WDFY3: variants seen among roughly 807,000 people sequenced by gnomAD.
WDFY3 encodes the protein WD repeat and FYVE domain containing 3, also known as WD repeat and FYVE domain-containing protein 3.
WDFY3 carries 66 observed loss-of-function variants against 409.6 expected under a neutral mutation model. The ratio of observed to expected loss-of-function variants is 0.16; its 90% confidence interval spans 0.13 to 0.20. The LOEUF is 0.20. WDFY3 is among the 10% of genes least tolerant of loss of function. The probability of loss-of-function intolerance (pLI) is 1.00; values close to 1 mark genes in which losing one functional copy is unlikely to be tolerated. For synonymous variants in WDFY3, 1,521 were observed against 1,537.1 expected (o/e 0.99, Z 0.25); for missense variants, 3,031 against 4,298.1 (o/e 0.71, Z 8.24).
At chr4:84,950,726 G>C (rs1773500976) in intron 1 of WDFY3, among the ~76,000 whole-genome samples, 1 of 152,164 alleles carries the variant, frequency 6.6e-6, no homozygotes, top group Non-Finnish European at 1.5e-5. Flanking sequence ...GGAGGCGGAG[G>C]CTGCAGTGAG....
At chr4:84,674,741 G>A (rs1411338791) in intron 67 of WDFY3, among the ~76,000 whole-genome samples, 4 of 151,558 alleles carry the variant, frequency 2.6e-5, no homozygotes, top group East Asian at 2.0e-4. Context: ...GGTGGTGCAC[G>A]CCTGTAGTCC....
chr4:84,678,976 G>C lies in WDFY3; in HGVS notation c.10090C>G (p.Leu3364Val). Residue 3364 changes from leucine (L) to valine (V), a missense_variant, in exon 65 of 68, where the codon CTT becomes GTT. Coordinates refer to ENST00000295888, the MANE Select transcript of WDFY3 (RefSeq NM_014991.6). ...GQTRAHLQGPLSHPHPNPIEV... is the reference protein window; with the variant it reads ...GQTRAHLQGPVSHPHPNPIEV... Reference sequence around the variant, plus strand: ...ATGGGATTGGGGTGGGGGTGGCTAAGGGGGCCCTGCAGATGGGCTCTGGTC... The same window carrying C: ...ATGGGATTGGGGTGGGGGTGGCTAACGGGGCCCTGCAGATGGGCTCTGGTC... 1.2e-6 allele frequency: 2 copies of C among 1,614,192 alleles called. No homozygotes were observed. The highest frequency in any genetic ancestry group is 3.3e-5 in the Admixed American group (2 of 60,030).
intron 36 of WDFY3, among the ~76,000 whole-genome samples, chr4:84,748,015 C>A (rs1739805274): frequency 6.6e-6 from 1 of 152,036 alleles, no homozygotes; most frequent in Non-Finnish European, 1.5e-5. Context: ...CAAGTCAGCA[C>A]CCTCTCAGTT....
chr4:84,674,799 C>T (rs778424525), intron 67 of WDFY3, among the ~76,000 whole-genome samples: 2 of 149,102 alleles, frequency 1.3e-5, no homozygotes, highest in Admixed American at 1.3e-4. Flanking sequence ...ACCCAGGAGG[C>T]GGAGGCTGCA....
chr4:84,905,164 T>C (rs958353688), intron 2 of WDFY3, among the ~76,000 whole-genome samples: 1 of 152,058 alleles, frequency 6.6e-6, no homozygotes, highest in East Asian at 1.9e-4. Context: ...GGTGAAACCT[T>C]GTTTCTACTA....
intron 59 of WDFY3, among the ~76,000 whole-genome samples, chr4:84,692,364 T>A (rs1003357311): frequency 2.0e-5 from 3 of 152,186 alleles, no homozygotes; most frequent in African/African-American, 7.2e-5. Flanking sequence ...TTCTTGGATA[T>A]TTTTAAGCGA....
Position 84,752,910 on chromosome 4 carries a change from T to G in WDFY3, c.5739+787A>C, listed in dbSNP as rs1740785981. Among the ~76,000 whole-genome samples, 5 of 152,340 alleles carry G rather than the reference T, an allele frequency of 3.3e-5. No homozygotes were observed. The South Asian group carries it at 1.0e-3, about 32-fold the overall frequency. Reference sequence around the variant, plus strand: ...ATCAACATCAACGTGCAAAAGTAAGTGATAAGCCCCTGCTATATGGTTTTG... The same window carrying G: ...ATCAACATCAACGTGCAAAAGTAAGGGATAAGCCCCTGCTATATGGTTTTG... On this transcript the variant is annotated intron_variant, in intron 35 of 67. Coordinates refer to ENST00000295888, the MANE Select transcript of WDFY3 (RefSeq NM_014991.6).
intron 5 of WDFY3, 26 bp downstream of exon 5, chr4:84,849,876 G>A: frequency 6.2e-7 from 1 of 1,605,354 alleles, no homozygotes; most frequent in Non-Finnish European, 8.5e-7. Flanking sequence ...AAACAAATCA[G>A]TTTTTGCTGG....
intron 2 of WDFY3, among the ~76,000 whole-genome samples, chr4:84,912,115 T>G (rs552920104): frequency 6.6e-6 from 1 of 152,224 alleles, no homozygotes; most frequent in Admixed American, 6.5e-5. Flanking sequence ...TTTTTCATCA[T>G]GTTTAGCTCA....
chr4:84,844,744 T>C (rs533503504), intron 5 of WDFY3, among the ~76,000 whole-genome samples: 2 of 152,338 alleles, frequency 1.3e-5, no homozygotes, highest in East Asian at 1.9e-4. Context: ...TGATATAAAT[T>C]GACCATGTGC....
chr4:84,796,239 CAAAAAA>C (rs947801397), intron 19 of WDFY3, among the ~76,000 whole-genome samples: 2 of 113,500 alleles, frequency 1.8e-5, no homozygotes, highest in East Asian at 5.0e-4. Context: ...ACTTCATTTA[CAAAAAA>C]AAAAAAAATT....
chr4:84,875,632 C>A (rs1762680237), intron 3 of WDFY3, among the ~76,000 whole-genome samples: 1 of 152,180 alleles, frequency 6.6e-6, no homozygotes, highest in African/African-American at 2.4e-5. Flanking sequence ...TAGCTTAAAA[C>A]ACAAACACAC....
chr4:84,892,243 T>C (rs1391136675), intron 3 of WDFY3, among the ~76,000 whole-genome samples: 1 of 151,974 alleles, frequency 6.6e-6, no homozygotes, highest in Admixed American at 6.5e-5. Flanking sequence ...CATATATATA[T>C]ATTTTTAAGT....
chr4:84,738,600 TA>T (rs745331961), intron 40 of WDFY3, among the ~76,000 whole-genome samples: 6,424 of 126,846 alleles, frequency 0.051, 304 homozygotes, highest in African/African-American at 0.15. Context: ...AGATTTTGTT[TA>T]AAAAAAAAAA....
In WDFY3 at chr4:84,741,746, G is replaced by C; in HGVS notation, c.6234+15C>G. 1.3e-6 allele frequency: 2 copies of C among 1,593,568 alleles called. No individual in the cohort carries two copies. Among genetic ancestry groups the C allele is most frequent in the Non-Finnish European group, 8.6e-7 (1 of 1,165,766 alleles). On this transcript the variant is annotated intron_variant, in intron 38 of 67. Coordinates refer to ENST00000295888, the MANE Select transcript of WDFY3 (RefSeq NM_014991.6). ...GAAAACATGTACTCTACAACTGATA[G>C]TGACAATGGATTACCTGTGCAATTA...
intron 62 of WDFY3, among the ~76,000 whole-genome samples, chr4:84,684,465 C>T (rs1727964775): frequency 6.6e-6 from 1 of 152,146 alleles, no homozygotes; most frequent in African/African-American, 2.4e-5. Context: ...TACTCTTCTT[C>T]CTCCCATTGT....
chr4:84,682,569 A>G, intron 63 of WDFY3, 99 bp from the exon 64 acceptor site: 1 of 962,926 alleles, frequency 1.0e-6, no homozygotes, highest in African/African-American at 1.7e-5. Flanking sequence ...TTAACAGATA[A>G]CTTAATTTCC....
At chr4:84,914,465 T>C (rs1410844313) in intron 2 of WDFY3, among the ~76,000 whole-genome samples, 1 of 152,004 alleles carries the variant, frequency 6.6e-6, no homozygotes, top group African/African-American at 2.4e-5. Context: ...AGGTTATTAG[T>C]AGTTACATTT....
At position 84,826,929 on chromosome 4, in the gene WDFY3, T is replaced by C. The variant is rs1381951852; in HGVS notation, c.1009A>G (p.Asn337Asp). ...ESKDALKDLV[N>D]LITSLTTYGV... ...TATGTTGTTAGGGAAGTTATCAGAT[T>C]AACCAGATCTTTCAAGGCATCTTTG... Residue 337 changes from asparagine to aspartate, a missense_variant, in exon 10 of 68, where the codon AAT (asparagine) becomes GAT (aspartate). Physicochemically the swap from Asn to Asp is conservative, Grantham distance 23. Coordinates refer to ENST00000295888, the MANE Select transcript of WDFY3 (RefSeq NM_014991.6). 6.2e-7 allele frequency: 1 copy of C among 1,609,772 alleles called. No homozygotes were observed. Among genetic ancestry groups the C allele is most frequent in the Admixed American group, 1.7e-5 (1 of 58,662 alleles).
Sources: gnomAD v4.1 joint callset for allele counts (sites outside exome capture counted in the v4.1 genomes callset) on GRCh38, gnomAD v4.1.1 for gene constraint, MANE v1.5 for transcripts, NCBI Gene and HGNC (gene_info 2026-07-23, HGNC 2026-07-21) for gene names.